The following TSPAN18 variants were observed in gnomAD, a reference collection of about 807,000 sequenced individuals.
The protein encoded by TSPAN18 is tetraspanin-18.
In TSPAN18, 14 loss-of-function variants were observed where a neutral mutation model predicts 27.3. The ratio of observed to expected loss-of-function variants is 0.51; its 90% CI spans 0.34 to 0.80. TSPAN18 has a LOEUF of 0.80. Among genes scored for constraint, TSPAN18 ranks in the 30% least tolerant of loss-of-function variants. The pLI is 0.01. For synonymous variants in TSPAN18, 143 were observed against 136.5 expected (o/e 1.05, Z -0.33); for missense variants, 268 against 323.9 (o/e 0.83, Z 1.32).
At chr11:44,898,436 C>A (rs1417089128) in intron 3 of TSPAN18, among the ~76,000 whole-genome samples, 1 of 152,248 alleles carries the variant, frequency 6.6e-6, no homozygotes, top group Non-Finnish European at 1.5e-5. Context: ...TCAGCACTTA[C>A]ACAAACAGTA....
At chr11:44,789,381 C>T (rs1277066042) in intron 2 of TSPAN18, among the ~76,000 whole-genome samples, 1 of 152,172 alleles carries the variant, frequency 6.6e-6, no homozygotes, top group Admixed American at 6.5e-5. Flanking sequence ...TTGGCTTTTC[C>T]TTCTGCCAAG....
At chr11:44,797,277 A>T (rs1018468894) in intron 2 of TSPAN18, among the ~76,000 whole-genome samples, 5 of 152,176 alleles carry the variant, frequency 3.3e-5, no homozygotes, top group African/African-American at 1.2e-4. Flanking sequence ...CCTAAAAGTC[A>T]CGTGGCCAGT....
intron 3 of TSPAN18, chr11:44,897,663 G>A (rs1859111544): frequency 1.3e-6 from 1 of 787,414 alleles, no homozygotes. Context: ...TGTGTATCTG[G>A]AGGGCGGGTT....
chr11:44,760,682 GA>G (rs1170229226), intron 1 of TSPAN18, among the ~76,000 whole-genome samples: 17 of 152,306 alleles, frequency 1.1e-4, no homozygotes, highest in Admixed American at 8.5e-4. Flanking sequence ...GAAGAAAGAA[GA>G]GGAGGAAGAA....
chr11:44,898,160 G>A (rs1159803931), intron 3 of TSPAN18, among the ~76,000 whole-genome samples: 2 of 152,204 alleles, frequency 1.3e-5, no homozygotes, highest in Non-Finnish European at 2.9e-5. Flanking sequence ...TTCTAATAAA[G>A]GCAGATGCAT....
intron 3 of TSPAN18, among the ~76,000 whole-genome samples, chr11:44,892,526 C>G (rs1398309244): frequency 2.0e-5 from 3 of 152,266 alleles, no homozygotes; most frequent in African/African-American, 7.2e-5. Flanking sequence ...GGCAAAGTAA[C>G]AGTCCCTGAA....
intron 2 of TSPAN18, among the ~76,000 whole-genome samples, chr11:44,776,488 GGCTGCAGACCACAGCCGTC>G (rs1158556067): frequency 1.8e-4 from 27 of 152,166 alleles, no homozygotes; most frequent in Non-Finnish European, 3.7e-4. Flanking sequence ...GATGTGGGTG[GGCTGCAGACCACAGCCGTC>G]ATATATTTAA....
chr11:44,734,392 C>G (rs1310628080), intron 1 of TSPAN18, among the ~76,000 whole-genome samples: 1 of 152,248 alleles, frequency 6.6e-6, no homozygotes, highest in South Asian at 2.1e-4. Flanking sequence ...TTGTTCATCT[C>G]TCTTAGCCTG....
In TSPAN18 at chr11:44,909,787, C is replaced by A; in HGVS notation, c.146C>A (p.Pro49His). 1 of 1,614,014 alleles carries A rather than the reference C, an allele frequency of 6.2e-7. No homozygotes were observed. Among genetic ancestry groups the A allele is most frequent in the Non-Finnish European group, 8.5e-7 (1 of 1,180,020 alleles). ...TTCCGGGAGATCGTGGCTGCCAATC[C>A]TCTGCTCCTCACGGGCGCCTACATC... ...TGFREIVAAN[P>H]LLLTGAYILL... The change falls in exon 5 of 10, where the codon CCT becomes CAT. Residue 49 changes from proline (P) to histidine (H), a missense_variant. Coordinates refer to ENST00000520358, the MANE Select transcript of TSPAN18 (RefSeq NM_130783.5).
chr11:44,912,627 A>G (rs1859762293), intron 5 of TSPAN18, among the ~76,000 whole-genome samples: 1 of 152,172 alleles, frequency 6.6e-6, no homozygotes, highest in African/African-American at 2.4e-5. Flanking sequence ...TGTATTGTGT[A>G]TACATGGATT....
At chr11:44,731,649 A>AGAGAGAGG (rs1854663699) in intron 1 of TSPAN18, among the ~76,000 whole-genome samples, 1 of 150,984 alleles carries the variant, frequency 6.6e-6, no homozygotes, top group Non-Finnish European at 1.5e-5. Context: ...AGAGAGAGAG[A>AGAGAGAGG]GAGAGAAAAT....
chr11:44,886,728 G>A (rs1414245720), intron 3 of TSPAN18, among the ~76,000 whole-genome samples: 1 of 152,230 alleles, frequency 6.6e-6, no homozygotes, highest in Non-Finnish European at 1.5e-5. Context: ...AATAAGGTCA[G>A]TTTGGCTGTT....
In TSPAN18 at chr11:44,906,282, G is replaced by A. The variant is rs924864195; in HGVS notation, c.-10-125G>A. The A allele has an allele frequency of 3.4e-5, 29 of 840,976 alleles. No individual in the cohort carries two copies. In the African/African-American group the frequency reaches 3.7e-4, roughly 11 times the overall value. 52.1% of individuals were successfully genotyped at this position (840,976 alleles called of 1,614,324 possible). ...CTCCAGCATGCTCATCTCTATCATC[G>A]GCCTCCATCTTCTTCCAGCCTTTGC... On this transcript the variant is annotated intron_variant, in intron 3 of 9. Transcript: ENST00000520358.
chr11:44,870,677 CT>C (rs1018508019), intron 3 of TSPAN18, among the ~76,000 whole-genome samples: 2 of 152,164 alleles, frequency 1.3e-5, no homozygotes, highest in African/African-American at 4.8e-5. Context: ...CATTTTACAG[CT>C]CAGGAAATTG....
chr11:44,764,182 C>T (rs1268633138), intron 1 of TSPAN18, among the ~76,000 whole-genome samples: 2 of 152,206 alleles, frequency 1.3e-5, no homozygotes, highest in Non-Finnish European at 2.9e-5. Flanking sequence ...CTAATCACCT[C>T]CCACCTGCCT....
chr11:44,834,702 C>G (rs1857228994), intron 2 of TSPAN18, among the ~76,000 whole-genome samples: 1 of 152,122 alleles, frequency 6.6e-6, no homozygotes, highest in African/African-American at 2.4e-5. Context: ...CTTCTCTGAC[C>G]TCGATGTCTT....
chr11:44,795,258 C>T (rs1856322630), intron 2 of TSPAN18, among the ~76,000 whole-genome samples: 1 of 152,152 alleles, frequency 6.6e-6, no homozygotes, highest in Admixed American at 6.5e-5. Flanking sequence ...CTGGCCCACT[C>T]CAGCATGGAA....
intron 2 of TSPAN18, among the ~76,000 whole-genome samples, chr11:44,794,010 G>A (rs183503821): frequency 1.3e-5 from 2 of 152,296 alleles, no homozygotes; most frequent in African/African-American, 2.4e-5. Context: ...ATCTGTCAGC[G>A]GGTGGGACTT....
chr11:44,782,384 A>G (rs1400069910), intron 2 of TSPAN18, among the ~76,000 whole-genome samples: 6 of 152,070 alleles, frequency 3.9e-5, no homozygotes, highest in Non-Finnish European at 7.4e-5. Flanking sequence ...TCTACTAAAA[A>G]TACAAAAAAT....
Sources: allele counts gnomAD v4.1 joint callset (sites outside exome capture counted in the v4.1 genomes callset), GRCh38; gene constraint gnomAD v4.1.1; transcripts MANE v1.5; gene names NCBI Gene and HGNC (gene_info 2026-07-23, HGNC 2026-07-21).